SRPK2: variants seen among roughly 807,000 people sequenced by gnomAD.
SRPK2 encodes the protein SFRS protein kinase 2.
A neutral mutation model predicts 90.8 loss-of-function variants in SRPK2; 21 were observed. That is an observed-to-expected ratio of 0.23 (90% confidence interval 0.16 to 0.33). The LOEUF is 0.33. Ranked by LOEUF, SRPK2 falls within the 10% of genes least tolerant of loss-of-function variation. SRPK2 has a pLI of 1.00. For missense variants in SRPK2, 620 were observed against 869.0 expected (o/e 0.71, Z 3.60); for synonymous variants, 288 against 311.1 (o/e 0.93, Z 0.78).
At chr7:105,247,871 C>CT (rs201687224) in intron 2 of SRPK2, among the ~76,000 whole-genome samples, 6,577 of 139,338 alleles carry the variant, frequency 0.047, 157 homozygotes, top group African/African-American at 0.074. Context: ...CCTTAACAAT[C>CT]TTTTTTTTTT....
intron 15 of SRPK2, among the ~76,000 whole-genome samples, chr7:105,118,536 A>G (rs1799880334): frequency 6.6e-6 from 1 of 152,240 alleles, no homozygotes; most frequent in African/African-American, 2.4e-5. Context: ...TTTGGTTGAC[A>G]TAACAGAATG....
chr7:105,251,030 G>A (rs1242175407), intron 2 of SRPK2, among the ~76,000 whole-genome samples: 1 of 152,162 alleles, frequency 6.6e-6, no homozygotes, highest in Non-Finnish European at 1.5e-5. Flanking sequence ...GGCAGTGGAG[G>A]AATGAAATGA....
At chr7:105,347,666 C>T (rs1816630026) in intron 2 of SRPK2, among the ~76,000 whole-genome samples, 1 of 151,866 alleles carries the variant, frequency 6.6e-6, no homozygotes, top group African/African-American at 2.4e-5. Context: ...CTTGCCTGGG[C>T]AGCCTGGCAA....
chr7:105,217,313 A>G (rs905519735), intron 2 of SRPK2, among the ~76,000 whole-genome samples: 12 of 152,248 alleles, frequency 7.9e-5, no homozygotes, highest in African/African-American at 2.9e-4. Flanking sequence ...GGTGAGAAAA[A>G]AAAAGATTTA....
intron 2 of SRPK2, among the ~76,000 whole-genome samples, chr7:105,325,829 A>G (rs931160287): frequency 6.6e-6 from 1 of 152,202 alleles, no homozygotes; most frequent in Non-Finnish European, 1.5e-5. Flanking sequence ...ACTCCAGCCT[A>G]AACAAGAGAA....
intron 2 of SRPK2, among the ~76,000 whole-genome samples, chr7:105,365,858 TCTTC>T (rs1172469412): frequency 6.6e-6 from 1 of 150,622 alleles, no homozygotes; most frequent in African/African-American, 2.4e-5. Context: ...TGATTTTATT[TCTTC>T]CTTTTTTTTT....
intron 2 of SRPK2, among the ~76,000 whole-genome samples, chr7:105,289,755 A>G (rs1368681865): frequency 6.6e-6 from 1 of 152,076 alleles, no homozygotes; most frequent in Non-Finnish European, 1.5e-5. Flanking sequence ...TTTCCTTTGC[A>G]TTCATACTTG....
chr7:105,213,618 A>T (rs924799305), intron 2 of SRPK2, among the ~76,000 whole-genome samples: 8 of 152,172 alleles, frequency 5.3e-5, no homozygotes, highest in African/African-American at 1.9e-4. Context: ...ACATACATAT[A>T]CAAAAGTAAG....
In SRPK2 at chr7:105,118,025, A is replaced by ACAGGGGAAAAAACAGGCCAATGT; in HGVS notation, c.1916-26_1916-4dup. 1 of 1,612,748 alleles carries ACAGGGGAAAAAACAGGCCAATGT rather than the reference A, an allele frequency of 6.2e-7. No homozygotes were observed. Among genetic ancestry groups the ACAGGGGAAAAAACAGGCCAATGT allele is most frequent in the East Asian group, 2.2e-5 (1 of 44,848 alleles). ...CTTGGTGATGTGTCGCAGTTCTCCT[A>ACAGGGGAAAAAACAGGCCAATGT]CAGGGGAAAAAACAGGCCAATGTCA... On this transcript the variant is annotated splice_region_variant and splice_polypyrimidine_tract_variant and intron_variant, in intron 15 of 15. Transcript: ENST00000393651.
At position 105,142,576 on chromosome 7, in the gene SRPK2, C is replaced by T. The variant is rs1803952762; in HGVS notation, c.1061-86G>A. 13 of 1,495,512 alleles carry T rather than the reference C, an allele frequency of 8.7e-6. No homozygotes were observed. In the South Asian group the frequency reaches 1.7e-4, roughly 19 times the overall value. The allele number at this position is 1,495,512 out of a possible 1,614,324, so 92.6% of individuals were successfully genotyped here. On this transcript the variant is annotated intron_variant, in intron 10 of 15. Coordinates refer to ENST00000393651, the MANE Select transcript of SRPK2 (RefSeq NM_182692.3). ...AGTACTTATCTCCATCAATAAAATA[C>T]ATTTTGAATATGCTTATGTACCACC...
chr7:105,128,446 A>G (rs1205665736), intron 13 of SRPK2, among the ~76,000 whole-genome samples: 1 of 152,178 alleles, frequency 6.6e-6, no homozygotes, highest in Non-Finnish European at 1.5e-5. Flanking sequence ...CAGTTGGGCC[A>G]ATCCCAGATG....
intron 1 of SRPK2, among the ~76,000 whole-genome samples, chr7:105,395,190 A>G (rs1179050623): frequency 6.6e-6 from 1 of 151,982 alleles, no homozygotes; most frequent in Non-Finnish European, 1.5e-5. Flanking sequence ...AAACAAAACA[A>G]AACAAAAAAC....
At chr7:105,356,111 C>T (rs950215080) in intron 2 of SRPK2, among the ~76,000 whole-genome samples, 4 of 152,042 alleles carry the variant, frequency 2.6e-5, no homozygotes, top group African/African-American at 9.7e-5. Flanking sequence ...CTTGGCAAGG[C>T]TCAGTTCTCT....
chr7:105,280,922 G>C (rs7802653), intron 2 of SRPK2, among the ~76,000 whole-genome samples: 50,202 of 118,732 alleles, frequency 0.42, 12,168 homozygotes, highest in Middle Eastern at 0.54. Flanking sequence ...ACTCCAGCCT[G>C]GGCGACAGAG....
At chr7:105,366,571 T>C (rs1171749137) in intron 2 of SRPK2, among the ~76,000 whole-genome samples, 1 of 151,662 alleles carries the variant, frequency 6.6e-6, no homozygotes, top group Non-Finnish European at 1.5e-5. Context: ...AGTTTCACCA[T>C]ATTGGGCCAG....
intron 7 of SRPK2, 164 bp downstream of exon 7, chr7:105,160,343 A>G (rs1055114286): frequency 2.3e-6 from 1 of 427,610 alleles, no homozygotes; most frequent in Admixed American, 4.0e-5. Context: ...CTGACTTAAT[A>G]AGAGTTCAAA....
At chr7:105,286,948 A>T (rs1808181707) in intron 2 of SRPK2, among the ~76,000 whole-genome samples, 1 of 152,186 alleles carries the variant, frequency 6.6e-6, no homozygotes, top group Non-Finnish European at 1.5e-5. Flanking sequence ...ACTATGGTAC[A>T]TTCATAATAT....
chr7:105,250,633 T>C (rs1802360264), intron 2 of SRPK2, among the ~76,000 whole-genome samples: 1 of 152,180 alleles, frequency 6.6e-6, no homozygotes, highest in Non-Finnish European at 1.5e-5. Context: ...GCCTTGTTCT[T>C]AGAAAAAGTT....
chr7:105,173,928 T>TG (rs1406079007), intron 3 of SRPK2, among the ~76,000 whole-genome samples: 1 of 151,274 alleles, frequency 6.6e-6, no homozygotes, highest in Non-Finnish European at 1.5e-5. Flanking sequence ...TGGTGTTTTT[T>TG]TTTTTTTTTT....
Sources: allele counts gnomAD v4.1 joint callset (sites outside exome capture counted in the v4.1 genomes callset), GRCh38; gene constraint gnomAD v4.1.1; transcripts MANE v1.5; gene names NCBI Gene and HGNC (gene_info 2026-07-23, HGNC 2026-07-21).